OPCML: variants seen among roughly 807,000 people sequenced by gnomAD.
OPCML encodes the protein opioid-binding protein/cell adhesion molecule.
OPCML carries 13 observed loss-of-function variants against 37.8 expected under a neutral mutation model. The ratio of observed to expected loss-of-function variants is 0.34; its 90% CI spans 0.22 to 0.55. OPCML has a LOEUF of 0.55. Ranked by LOEUF, OPCML falls within the 20% of genes least tolerant of loss-of-function variation. OPCML has a pLI of 0.91. For missense variants in OPCML, 341 were observed against 435.6 expected (o/e 0.78, Z 1.93); for synonymous variants, 176 against 168.8 (o/e 1.04, Z -0.33).
chr11:133,375,848 A>G (rs1267782162), intron 1 of OPCML, among the ~76,000 whole-genome samples: 1 of 152,208 alleles, frequency 6.6e-6, no homozygotes, highest in Non-Finnish European at 1.5e-5. Context: ...TTGAATGAAT[A>G]TGTATTAAAT....
chr11:132,714,772 C>T (rs578058110), intron 2 of OPCML, among the ~76,000 whole-genome samples: 27 of 152,258 alleles, frequency 1.8e-4, no homozygotes, highest in Admixed American at 2.6e-4. Context: ...GTTTTCCATT[C>T]GACAGGTGAT....
chr11:132,484,445 T>C (rs1171055829), intron 4 of OPCML, among the ~76,000 whole-genome samples: 2 of 152,122 alleles, frequency 1.3e-5, no homozygotes, highest in African/African-American at 4.8e-5. Context: ...TGTGGAGAAA[T>C]AGGAACACTT....
intron 1 of OPCML, among the ~76,000 whole-genome samples, chr11:133,328,157 A>ATTTT (rs533894891): frequency 2.9e-5 from 4 of 138,272 alleles, no homozygotes; most frequent in Admixed American, 7.3e-5. Flanking sequence ...GTGTGTTTTA[A>ATTTT]TTTTTTTTTT....
At chr11:133,240,212 CAAAAAA>C (rs35643678) in intron 1 of OPCML, among the ~76,000 whole-genome samples, 7 of 66,046 alleles carry the variant, frequency 1.1e-4, no homozygotes, top group African/African-American at 2.3e-4. Flanking sequence ...ACACTTGGGG[CAAAAAA>C]AAAAAAAAAA....
chr11:132,806,167 A>G (rs998901990), intron 2 of OPCML, among the ~76,000 whole-genome samples: 1 of 152,182 alleles, frequency 6.6e-6, no homozygotes, highest in Non-Finnish European at 1.5e-5. Flanking sequence ...CTGGATTAAC[A>G]TAGGAGGCTG....
intron 2 of OPCML, among the ~76,000 whole-genome samples, chr11:132,874,044 G>A (rs545433890): frequency 1.3e-5 from 2 of 152,246 alleles, no homozygotes; most frequent in Non-Finnish European, 1.5e-5. Flanking sequence ...ACCAGCTCAG[G>A]GTTAAGTTTC....
At chr11:133,293,770 A>G (rs946342108) in intron 1 of OPCML, among the ~76,000 whole-genome samples, 1 of 152,132 alleles carries the variant, frequency 6.6e-6, no homozygotes, top group Non-Finnish European at 1.5e-5. Flanking sequence ...AAACCCACAC[A>G]GTAAATCCAC....
At chr11:132,527,240 AAAT>A (rs2096310814) in intron 4 of OPCML, among the ~76,000 whole-genome samples, 1 of 152,208 alleles carries the variant, frequency 6.6e-6, no homozygotes, top group African/African-American at 2.4e-5. Flanking sequence ...TATCTTGAAT[AAAT>A]GCCTAGGAGT....
intron 1 of OPCML, among the ~76,000 whole-genome samples, chr11:132,998,531 C>T (rs1043933186): frequency 6.6e-6 from 1 of 152,068 alleles, no homozygotes; most frequent in Non-Finnish European, 1.5e-5. Flanking sequence ...ATGTTCATAA[C>T]CAAAAAGGGG....
intron 2 of OPCML, among the ~76,000 whole-genome samples, chr11:132,924,199 T>C (rs774693836): frequency 6.6e-6 from 1 of 151,842 alleles, no homozygotes; most frequent in Non-Finnish European, 1.5e-5. Flanking sequence ...AAATAAATAA[T>C]CTGATTACTA....
chr11:132,537,343 T>C (rs193297631), intron 3 of OPCML, among the ~76,000 whole-genome samples: 1 of 152,226 alleles, frequency 6.6e-6, no homozygotes, highest in Non-Finnish European at 1.5e-5. Context: ...GAATGAATAG[T>C]GTTTTCAATG....
At chr11:133,192,593 T>C (rs943716373) in intron 1 of OPCML, among the ~76,000 whole-genome samples, 4 of 152,218 alleles carry the variant, frequency 2.6e-5, no homozygotes, top group Admixed American at 2.0e-4. Context: ...TTATAAGTAG[T>C]AGAAAGGGAC....
chr11:133,207,621 T>C (rs1939139826), intron 1 of OPCML, among the ~76,000 whole-genome samples: 1 of 152,182 alleles, frequency 6.6e-6, no homozygotes, highest in Non-Finnish European at 1.5e-5. Flanking sequence ...CTTCTGAGAT[T>C]CCTCAAATTC....
chr11:133,511,382 G>A (rs899410904), intron 1 of OPCML, among the ~76,000 whole-genome samples: 7 of 152,134 alleles, frequency 4.6e-5, no homozygotes, highest in African/African-American at 1.7e-4. Flanking sequence ...ACAGGACCGC[G>A]TGGCTAACTG....
In OPCML at chr11:132,436,974, C is replaced by T. The variant is rs1330639346; in HGVS notation, c.644-195G>A. On this transcript the variant is annotated intron_variant, in intron 5 of 7. Transcript: ENST00000524381. Reference sequence around the variant, plus strand: ...TTGAAGATACTGCATTGACCCCAACCTCTTTTTCAGGCCTCCAAACCCATT... The same window carrying T: ...TTGAAGATACTGCATTGACCCCAACTTCTTTTTCAGGCCTCCAAACCCATT... The T allele has an allele frequency of 3.1e-6, 3 of 952,506 alleles. No individual in the cohort carries two copies. In the African/African-American group the frequency reaches 5.3e-5, roughly 17 times the overall value. 59.0% of individuals were successfully genotyped at this position (952,506 alleles called of 1,614,324 possible). A position where few individuals can be genotyped will look rare whatever the true frequency, so the allele number is the denominator to read the frequency against.
At chr11:133,255,524 A>C (rs1400071264) in intron 1 of OPCML, among the ~76,000 whole-genome samples, 1 of 152,250 alleles carries the variant, frequency 6.6e-6, no homozygotes, top group African/African-American at 2.4e-5. Flanking sequence ...AATTTATAAC[A>C]AAGCCAAAAG....
chr11:132,959,064 CT>C (rs1946028771), intron 1 of OPCML, among the ~76,000 whole-genome samples: 1 of 152,222 alleles, frequency 6.6e-6, no homozygotes, highest in South Asian at 2.1e-4. Flanking sequence ...AACCAAAAAC[CT>C]TCTGGAAAAG....
chr11:132,796,036 A>G (rs987514745), intron 2 of OPCML, among the ~76,000 whole-genome samples: 2 of 152,190 alleles, frequency 1.3e-5, no homozygotes, highest in Admixed American at 6.5e-5. Context: ...AGCTATTTCC[A>G]TAGCATCTAC....
intron 2 of OPCML, among the ~76,000 whole-genome samples, chr11:132,933,596 AAGAG>A (rs1288664022): frequency 1.3e-5 from 2 of 152,064 alleles, no homozygotes; most frequent in Non-Finnish European, 2.9e-5. Context: ...GTGTGTGAGA[AAGAG>A]AGAGAAGAAA....
Sources: gnomAD v4.1 joint callset for allele counts (sites outside exome capture counted in the v4.1 genomes callset) on GRCh38, gnomAD v4.1.1 for gene constraint, MANE v1.5 for transcripts, NCBI Gene and HGNC (gene_info 2026-07-23, HGNC 2026-07-21) for gene names.